The following CNTNAP5 variants were observed in gnomAD, a reference collection of about 807,000 sequenced individuals.
CNTNAP5 encodes the protein contactin associated protein family member 5.
CNTNAP5 carries 72 observed loss-of-function variants against 150.2 expected under a neutral mutation model. The ratio of observed to expected loss-of-function variants is 0.48; its 90% confidence interval spans 0.40 to 0.58. The LOEUF is 0.58. CNTNAP5 is among the 20% of genes least tolerant of loss of function. CNTNAP5 has a pLI of 0.00. For synonymous variants in CNTNAP5, 672 were observed against 619.8 expected, an observed-to-expected ratio of 1.08 and a Z score of -1.25; for missense variants, 1,636 against 1,626.2, an observed-to-expected ratio of 1.01 and a Z score of -0.10.
intron 7 of CNTNAP5, among the ~76,000 whole-genome samples, chr2:124,499,099 A>G (rs377460045): frequency 2.6e-5 from 4 of 152,300 alleles, no homozygotes; most frequent in East Asian, 3.9e-4. Flanking sequence ...TCATCCCACT[A>G]CTATTATTCC....
chr2:124,802,916 A>G (rs1227623190), intron 19 of CNTNAP5, among the ~76,000 whole-genome samples: 2 of 152,072 alleles, frequency 1.3e-5, no homozygotes, highest in Non-Finnish European at 2.9e-5. Flanking sequence ...CGAGGTCAGG[A>G]GATCGAGATC....
chr2:124,898,730 C>A (rs1204222052), intron 21 of CNTNAP5, among the ~76,000 whole-genome samples: 1 of 151,490 alleles, frequency 6.6e-6, no homozygotes, highest in East Asian at 1.9e-4. Flanking sequence ...AGTATCTACA[C>A]CATAGTTCTA....
Position 124,713,308 on chromosome 2 carries a change from CTCTTTCTTTCCTTTCTT to C in CNTNAP5, c.2078-33910_2078-33894del, listed in dbSNP as rs1397979590. Among the ~76,000 whole-genome samples the C allele has an allele frequency of 3.1e-4, 18 of 57,414 alleles. 1 individual carries two copies. Among genetic ancestry groups the C allele is most frequent in the African/African-American group, 9.7e-4 (18 of 18,486 alleles). 37.7% of individuals were successfully genotyped at this position (57,414 alleles called of 152,430 possible). On this transcript the variant is annotated intron_variant, in intron 13 of 23. Transcript: ENST00000682447. ...TTCTTTCTTTCTTTCTTTCTTCTTT[CTCTTTCTTTCCTTTCTT>C]TCTTTCTTTCTTTCTTTCTTTCTTT...
At chr2:124,636,913 C>T (rs926108327) in intron 12 of CNTNAP5, among the ~76,000 whole-genome samples, 49 of 151,894 alleles carry the variant, frequency 3.2e-4, no homozygotes, top group African/African-American at 1.0e-3. Context: ...TCTTTTTCTC[C>T]TCTCCTCATT....
intron 6 of CNTNAP5, among the ~76,000 whole-genome samples, chr2:124,467,845 C>G (rs1218475246): frequency 6.6e-6 from 1 of 152,162 alleles, no homozygotes; most frequent in Admixed American, 6.5e-5. Context: ...ATTCAATATG[C>G]TCATCAGCCT....
rs1558746822 is a variant in CNTNAP5 at position 124,713,300 on chromosome 2, T to TC, written c.2078-33928dup. ...TTCTTTCTTTCTTTCTTTCTTTCTT[T>TC]CTTCTTTCTCTTTCTTTCCTTTCTT... On this transcript the variant is annotated intron_variant, in intron 13 of 23. Transcript: ENST00000682447. Among the ~76,000 whole-genome samples, 319 of 123,046 alleles carry TC rather than the reference T, an allele frequency of 2.6e-3. 17 individuals carry two copies. Among genetic ancestry groups the TC allele is most frequent in the Middle Eastern group, 8.6e-3 (2 of 232 alleles). The allele number at this position is 123,046 out of a possible 152,430, so 80.7% of individuals were successfully genotyped here.
chr2:124,829,610 A>G (rs1346229911), intron 19 of CNTNAP5, among the ~76,000 whole-genome samples: 2 of 151,740 alleles, frequency 1.3e-5, no homozygotes, highest in East Asian at 3.9e-4. Context: ...AAAAAAAAAA[A>G]TTGATAATCA....
chr2:124,282,010 G>A (rs913179369), intron 3 of CNTNAP5, among the ~76,000 whole-genome samples: 5 of 151,972 alleles, frequency 3.3e-5, no homozygotes, highest in African/African-American at 9.7e-5. Context: ...TCTTTGCCTG[G>A]GATGAATCCC....
intron 13 of CNTNAP5, among the ~76,000 whole-genome samples, chr2:124,681,993 C>G (rs1034073958): frequency 3.3e-5 from 5 of 152,138 alleles, no homozygotes; most frequent in African/African-American, 7.2e-5. Flanking sequence ...ATGTGTCTTC[C>G]TCCCTTTGCC....
chr2:124,285,733 G>T (rs1335539538), intron 3 of CNTNAP5, among the ~76,000 whole-genome samples: 2 of 152,102 alleles, frequency 1.3e-5, no homozygotes, highest in Non-Finnish European at 2.9e-5. Flanking sequence ...AGCCCAGGAG[G>T]TAGAGGTGCA....
chr2:124,708,988 T>G (rs1679750366), intron 13 of CNTNAP5, among the ~76,000 whole-genome samples: 1 of 152,140 alleles, frequency 6.6e-6, no homozygotes, highest in African/African-American at 2.4e-5. Flanking sequence ...GCAAACTCAC[T>G]CACCGTGCGC....
intron 1 of CNTNAP5, among the ~76,000 whole-genome samples, chr2:124,159,097 C>T (rs1374316864): frequency 6.6e-6 from 1 of 152,188 alleles, no homozygotes; most frequent in South Asian, 2.1e-4. Flanking sequence ...CTTAACAGAA[C>T]AATTGCCTTT....
intron 3 of CNTNAP5, among the ~76,000 whole-genome samples, chr2:124,331,917 C>T (rs1650370929): frequency 6.6e-6 from 1 of 151,744 alleles, no homozygotes; most frequent in Admixed American, 6.6e-5. Flanking sequence ...TCAAAGAAAA[C>T]ATTAATGTTT....
chr2:124,538,565 G>A (rs1558945199), intron 10 of CNTNAP5, among the ~76,000 whole-genome samples: 1 of 127,596 alleles, frequency 7.8e-6, no homozygotes, highest in Non-Finnish European at 1.7e-5. Flanking sequence ...AGAAAGAAAA[G>A]AAAGAAAGAA....
At chr2:124,074,229 A>G (rs1022509179) in intron 1 of CNTNAP5, among the ~76,000 whole-genome samples, 1 of 152,096 alleles carries the variant, frequency 6.6e-6, no homozygotes, top group Non-Finnish European at 1.5e-5. Context: ...GTGCTGGTTA[A>G]TGGGTACAAA....
chr2:124,422,490 A>G (rs1328748886), intron 4 of CNTNAP5, among the ~76,000 whole-genome samples: 1 of 152,176 alleles, frequency 6.6e-6, no homozygotes, highest in African/African-American at 2.4e-5. Context: ...ATTACATGTC[A>G]TCAGTTAACT....
intron 3 of CNTNAP5, among the ~76,000 whole-genome samples, chr2:124,265,753 G>A (rs1455869951): frequency 2.6e-5 from 4 of 152,020 alleles, no homozygotes; most frequent in African/African-American, 9.7e-5. Flanking sequence ...TGGGAGCTAG[G>A]GACCTGTCTT....
intron 1 of CNTNAP5, among the ~76,000 whole-genome samples, chr2:124,208,024 A>G (rs921653123): frequency 6.6e-5 from 10 of 152,198 alleles, no homozygotes; most frequent in Non-Finnish European, 1.3e-4. Context: ...TTACAAGGAA[A>G]AGTAGAGCAT....
chr2:124,706,496 C>T (rs1340126679), intron 13 of CNTNAP5, among the ~76,000 whole-genome samples: 1 of 152,022 alleles, frequency 6.6e-6, no homozygotes, highest in Non-Finnish European at 1.5e-5. Flanking sequence ...CCTCTAATCC[C>T]AGAACTTTGG....
Sources: gnomAD v4.1 joint callset for allele counts (sites outside exome capture counted in the v4.1 genomes callset) on GRCh38, gnomAD v4.1.1 for gene constraint, MANE v1.5 for transcripts, NCBI Gene and HGNC (gene_info 2026-07-23, HGNC 2026-07-21) for gene names.